The following F13A1 variants were observed in gnomAD, a reference collection of about 807,000 sequenced individuals.
F13A1 encodes coagulation factor XIII A chain, also known as FSF, A subunit.
A neutral mutation model predicts 80.1 loss-of-function variants in F13A1; 47 were observed. That is an observed-to-expected ratio of 0.59 (90% CI 0.46 to 0.75). The LOEUF is 0.75. F13A1 is among the 30% of genes least tolerant of loss of function. F13A1 has a pLI of 0.00. For synonymous variants in F13A1, 349 were observed against 344.9 expected (o/e 1.01, Z -0.13); for missense variants, 817 against 930.4 (o/e 0.88, Z 1.59).
chr6:6,314,418 G>C (rs2113200735), intron 2 of F13A1, among the ~76,000 whole-genome samples: 1 of 152,254 alleles, frequency 6.6e-6, no homozygotes, highest in Non-Finnish European at 1.5e-5. Flanking sequence ...TCTTTTCCCA[G>C]GCTTATATCT....
chr6:6,210,568 T>C (rs1383599586), intron 8 of F13A1, among the ~76,000 whole-genome samples: 2 of 149,118 alleles, frequency 1.3e-5, no homozygotes, highest in Non-Finnish European at 3.0e-5. Context: ...AATTTTTCTG[T>C]ATTTTTAGTA....
chr6:6,284,074 A>G (rs1758103759), intron 3 of F13A1, among the ~76,000 whole-genome samples: 1 of 152,240 alleles, frequency 6.6e-6, no homozygotes, highest in African/African-American at 2.4e-5. Context: ...CAGAGAGCAA[A>G]AAGAGATTTG....
chr6:6,230,327 A>G (rs1615217), intron 6 of F13A1, among the ~76,000 whole-genome samples: 4 of 151,594 alleles, frequency 2.6e-5, no homozygotes, highest in African/African-American at 9.7e-5. Context: ...AGCTTCCCCC[A>G]ACTTCCCTGA....
At chr6:6,252,428 GTATA>G (rs1260039409) in intron 4 of F13A1, among the ~76,000 whole-genome samples, 2 of 152,060 alleles carry the variant, frequency 1.3e-5, no homozygotes, top group African/African-American at 4.8e-5. Context: ...TATGTATACT[GTATA>G]TATGTCTATT....
chr6:6,248,089 A>T (rs754009479), intron 6 of F13A1, among the ~76,000 whole-genome samples: 16 of 152,202 alleles, frequency 1.1e-4, no homozygotes, highest in Admixed American at 1.0e-3. Context: ...ATTGTTTTCT[A>T]AAGCCAAAGA....
chr6:6,197,797 G>C (rs1761317640), intron 8 of F13A1, among the ~76,000 whole-genome samples: 1 of 152,118 alleles, frequency 6.6e-6, no homozygotes, highest in Non-Finnish European at 1.5e-5. Context: ...GGGTTTTCTG[G>C]GCAGATTCAT....
rs1010692675 is a variant in F13A1 at position 6,196,035 on chromosome 6, A to G, written c.1217-150T>C. ...GCCCAGATGCTTTCCAAGGCTGAAG[A>G]GAATTCCATTGGCTATGCCCCCTCA... On this transcript the variant is annotated intron_variant, in intron 9 of 14. Coordinates refer to ENST00000264870, the MANE Select transcript of F13A1 (RefSeq NM_000129.4). 4 of 803,222 alleles carry G rather than the reference A, an allele frequency of 5.0e-6. No individual in the cohort carries two copies. In the African/African-American group the frequency reaches 6.8e-5, roughly 14 times the overall value. The allele number at this position is 803,222 out of a possible 1,614,324, so 49.8% of individuals were successfully genotyped here. A position where few individuals can be genotyped will look rare whatever the true frequency, so the allele number is the denominator to read the frequency against.
chr6:6,272,436 A>G (rs936865938), intron 3 of F13A1, among the ~76,000 whole-genome samples: 1 of 152,174 alleles, frequency 6.6e-6, no homozygotes, highest in Non-Finnish European at 1.5e-5. Flanking sequence ...AGACACATCT[A>G]TCAATCACTG....
At chr6:6,266,266 C>T (rs1420170504) in intron 4 of F13A1, among the ~76,000 whole-genome samples, 1 of 152,180 alleles carries the variant, frequency 6.6e-6, no homozygotes, top group Admixed American at 6.5e-5. Flanking sequence ...GAGTCTTGCT[C>T]TGTTGCCCAG....
At chr6:6,236,925 T>C (rs1757421289) in intron 6 of F13A1, among the ~76,000 whole-genome samples, 1 of 152,152 alleles carries the variant, frequency 6.6e-6, no homozygotes, top group African/African-American at 2.4e-5. Flanking sequence ...AGCTACAGTG[T>C]GGTGGTGACC....
At chr6:6,298,632 C>T (rs1428968038) in intron 3 of F13A1, among the ~76,000 whole-genome samples, 1 of 149,402 alleles carries the variant, frequency 6.7e-6, no homozygotes, top group Non-Finnish European at 1.5e-5. Context: ...TATCTTGAGC[C>T]TATGTGTGTC....
intron 3 of F13A1, among the ~76,000 whole-genome samples, chr6:6,303,324 A>T (rs1758463446): frequency 6.6e-6 from 1 of 152,226 alleles, no homozygotes; most frequent in Non-Finnish European, 1.5e-5. Flanking sequence ...AGCCAAAGAC[A>T]ACTCAAAACT....
Position 6,167,355 on chromosome 6 carries a change from C to T in F13A1, c.1908+103G>A, listed in dbSNP as rs542437967. The T allele has an allele frequency of 8.7e-4, 952 of 1,089,858 alleles. 6 individuals carry two copies. The highest frequency in any genetic ancestry group is 1.7e-3 in the South Asian group (120 of 71,674). 67.5% of individuals were successfully genotyped at this position (1,089,858 alleles called of 1,614,324 possible). Reference sequence around the variant, plus strand: ...TTTTTTTTTTTTTTTTTGAGCAGGACATTCATTCACACACACACACACATA... The same window carrying T: ...TTTTTTTTTTTTTTTTTGAGCAGGATATTCATTCACACACACACACACATA... On this transcript the variant is annotated intron_variant, in intron 13 of 14. Transcript: ENST00000264870.
chr6:6,156,274 C>T (rs1760477099), intron 13 of F13A1, among the ~76,000 whole-genome samples: 1 of 152,180 alleles, frequency 6.6e-6, no homozygotes, highest in Non-Finnish European at 1.5e-5. Flanking sequence ...TACTCTGATT[C>T]TTTGGTAAAC....
chr6:6,294,738 A>C (rs1192224231), intron 3 of F13A1, among the ~76,000 whole-genome samples: 2 of 150,260 alleles, frequency 1.3e-5, no homozygotes, highest in East Asian at 1.9e-4. Flanking sequence ...TTTTTTTAAA[A>C]ATTTATTTAT....
At chr6:6,289,049 TA>T (rs1758175513) in intron 3 of F13A1, among the ~76,000 whole-genome samples, 2 of 152,252 alleles carry the variant, frequency 1.3e-5, no homozygotes, top group Admixed American at 6.5e-5. Context: ...GTTTTATTTC[TA>T]CCTTCCCTGC....
intron 12 of F13A1, among the ~76,000 whole-genome samples, chr6:6,172,237 A>T (rs556199132): frequency 6.6e-6 from 1 of 152,288 alleles, no homozygotes; most frequent in South Asian, 2.1e-4. Context: ...CAGGAAACAC[A>T]GCTGGTAGGT....
At position 6,225,133 on chromosome 6, in the gene F13A1, T is replaced by C. The variant is rs192707984; in HGVS notation, c.799-273A>G. Among the ~76,000 whole-genome samples the C allele has an allele frequency of 4.1e-4, 62 of 152,340 alleles. 1 individual carries two copies. Among genetic ancestry groups the C allele is most frequent in the Admixed American group, 6.5e-4 (10 of 15,298 alleles). On this transcript the variant is annotated intron_variant, in intron 6 of 14. Transcript: ENST00000264870. ...CGGCAGATAGGAGGAGTGTGACACCTACCGGATTGGAAGAAGACATACATA... is the reference window on the plus strand; with the variant it reads ...CGGCAGATAGGAGGAGTGTGACACCCACCGGATTGGAAGAAGACATACATA...
chr6:6,292,587 T>C (rs1758238888), intron 3 of F13A1, among the ~76,000 whole-genome samples: 1 of 152,186 alleles, frequency 6.6e-6, no homozygotes, highest in African/African-American at 2.4e-5. Context: ...ACTCCCACCC[T>C]GAAAACACCA....
Sources: allele counts gnomAD v4.1 joint callset (sites outside exome capture counted in the v4.1 genomes callset), GRCh38; gene constraint gnomAD v4.1.1; transcripts MANE v1.5; gene names NCBI Gene and HGNC (gene_info 2026-07-23, HGNC 2026-07-21).